The following PCDH7 variants were observed in gnomAD, a reference collection of about 807,000 sequenced individuals.
PCDH7 encodes protocadherin-7.
In PCDH7, 17 loss-of-function variants were observed where a neutral mutation model predicts 58.9. That is an observed-to-expected ratio of 0.29 (90% confidence interval 0.20 to 0.43). The LOEUF (loss-of-function observed/expected upper bound fraction) is 0.43. Ranked by LOEUF, PCDH7 falls within the 20% of genes least tolerant of loss-of-function variation. The pLI is 1.00. For synonymous variants in PCDH7, 664 were observed against 616.4 expected, an observed-to-expected ratio of 1.08 and a Z score of -1.14; for missense variants, 1,274 against 1,441.0, an observed-to-expected ratio of 0.88 and a Z score of 1.88.
chr4:30,739,515 A>G (rs762246774), intron 1 of PCDH7, among the ~76,000 whole-genome samples: 12 of 152,166 alleles, frequency 7.9e-5, no homozygotes, highest in Non-Finnish European at 1.6e-4. Context: ...TTTCATATAC[A>G]GAGATGGTAT....
Position 30,875,162 on chromosome 4 carries a change from C to T in PCDH7, c.71-44991C>T, listed in dbSNP as rs1736131583. On this transcript the variant is annotated intron_variant, in intron 1 of 3. Transcript: ENST00000509759. ...GAAATCCAAAATCAAGGTGGTTGCA[C>T]CGTTGATTCCTTCAGGAAGGAGCTG... 2.6e-5 allele frequency among the ~76,000 whole-genome samples: 4 copies of T among 152,032 alleles called. No individual in the cohort carries two copies. In the South Asian group the frequency reaches 8.3e-4, roughly 32 times the overall value.
At chr4:30,737,914 T>G (rs1441750904), downstream of PCDH7, among the ~76,000 whole-genome samples, 1 of 152,172 alleles carries the variant, frequency 6.6e-6, no homozygotes, top group African/African-American at 2.4e-5. Flanking sequence ...CAACAGAAGT[T>G]AATTTTCTCT....
At chr4:30,824,088 TTTCTTTCTTTC>T (rs1251352065) in intron 1 of PCDH7, among the ~76,000 whole-genome samples, 5 of 20,630 alleles carry the variant, frequency 2.4e-4, no homozygotes, top group African/African-American at 1.2e-3. Context: ...CTTTTCTTTC[TTTCTTTCTTTC>T]TTTCTTTCTT....
intron 2 of PCDH7, among the ~76,000 whole-genome samples, chr4:30,933,114 C>T (rs150069114): frequency 2.0e-4 from 30 of 152,024 alleles, no homozygotes; most frequent in Non-Finnish European, 4.0e-4. Flanking sequence ...GCAACCTCCG[C>T]TTCCTGGGTT....
In PCDH7 at chr4:31,141,727, G is replaced by A. The variant is rs116181266; in HGVS notation, c.*8-746G>A. ...TCATCCAAAGTTTAGTAACTTACCC[G>A]TATTCACCCAGTACATTACATTTCA... On this transcript the variant is annotated intron_variant, in intron 3 of 3. Transcript: ENST00000509759. 5.5e-3 allele frequency among the ~76,000 whole-genome samples: 832 copies of A among 152,076 alleles called. 7 individuals are homozygous for A. The highest frequency in any genetic ancestry group is 0.019 in the African/African-American group (774 of 41,494).
chr4:30,964,790 T>C (rs1370715121), intron 3 of PCDH7, among the ~76,000 whole-genome samples: 1 of 152,158 alleles, frequency 6.6e-6, no homozygotes, highest in East Asian at 1.9e-4. Flanking sequence ...AACTAAAAAG[T>C]CCTTTCCCTT....
chr4:30,765,178 G>A (rs1720591729), intron 1 of PCDH7, among the ~76,000 whole-genome samples: 1 of 119,322 alleles, frequency 8.4e-6, no homozygotes, highest in Non-Finnish European at 1.6e-5. Context: ...TAGCACTTAT[G>A]AGTTAGGGTG....
chr4:30,741,275 G>A lies in PCDH7; in HGVS notation c.70+16679G>A, dbSNP rs12509840. 5.9e-3 allele frequency among the ~76,000 whole-genome samples: 899 copies of A among 151,314 alleles called. 29 individuals carry two copies. The highest frequency in any genetic ancestry group is 0.051 in the Admixed American group (771 of 15,178). ...GATGGTTTTTTTTTTAGAGCCGAGT[G>A]TGTCACTCGGGCTCAGGTGATTCTC... is the stretch of plus-strand genomic sequence containing the variant. On this transcript the variant is annotated intron_variant, in intron 1 of 3. Coordinates refer to the PCDH7 transcript ENST00000509759.
At chr4:31,000,119 T>G (rs1401505897) in intron 3 of PCDH7, among the ~76,000 whole-genome samples, 6 of 152,130 alleles carry the variant, frequency 3.9e-5, no homozygotes, top group African/African-American at 1.4e-4. Context: ...AATTATGTGC[T>G]GTAGGACTTG....
chr4:30,740,645 A>T (rs1716941204), intron 1 of PCDH7, among the ~76,000 whole-genome samples: 1 of 151,796 alleles, frequency 6.6e-6, no homozygotes, highest in South Asian at 2.1e-4. Context: ...CATTTTGTTT[A>T]CCTTTTACAA....
intron 3 of PCDH7, among the ~76,000 whole-genome samples, chr4:31,115,042 G>C (rs201821148): frequency 6.6e-6 from 1 of 152,118 alleles, no homozygotes; most frequent in South Asian, 2.1e-4. Context: ...GGCATGGGAC[G>C]CAATGATTCA....
chr4:30,847,294 G>A (rs535451656), intron 1 of PCDH7, among the ~76,000 whole-genome samples: 5 of 152,310 alleles, frequency 3.3e-5, no homozygotes, highest in Admixed American at 6.5e-5. Flanking sequence ...GAATGTGTGA[G>A]TGAGAATCCA....
At chr4:30,913,452 G>A (rs1277678412) in intron 1 of PCDH7, among the ~76,000 whole-genome samples, 1 of 151,924 alleles carries the variant, frequency 6.6e-6, no homozygotes, top group Non-Finnish European at 1.5e-5. Flanking sequence ...GAAATATGTG[G>A]ACTTAACTTT....
chr4:30,885,648 G>A (rs1173853390), intron 1 of PCDH7, among the ~76,000 whole-genome samples: 1 of 152,084 alleles, frequency 6.6e-6, no homozygotes, highest in Admixed American at 6.6e-5. Flanking sequence ...AACCAAAAAA[G>A]AGCCTGCATC....
intron 1 of PCDH7, among the ~76,000 whole-genome samples, chr4:30,906,818 T>A (rs535222756): frequency 5.9e-5 from 9 of 151,698 alleles, no homozygotes; most frequent in African/African-American, 2.2e-4. Context: ...AGGTCAGGAG[T>A]TTGACACCAG....
At chr4:31,072,695 C>T (rs1758653006) in intron 3 of PCDH7, among the ~76,000 whole-genome samples, 1 of 152,058 alleles carries the variant, frequency 6.6e-6, no homozygotes, top group Non-Finnish European at 1.5e-5. Context: ...TCACATTACT[C>T]ACATCACATT....
rs370939112 is a variant in PCDH7, at chr4:30,842,759, A to G, written c.71-77394A>G. On this transcript the variant is annotated intron_variant, in intron 1 of 3. Coordinates refer to the PCDH7 transcript ENST00000509759. ...AAAGAACTTTAGCAGGGAAGCTACA[A>G]GATAAGATTTACGGTTTAACAGACC... is the stretch of plus-strand genomic sequence containing the variant. Among the ~76,000 whole-genome samples the G allele has an allele frequency of 7.9e-5, 12 of 152,300 alleles. No homozygotes were observed. In the East Asian group the frequency reaches 2.1e-3, roughly 27 times the overall value.
intron 3 of PCDH7, among the ~76,000 whole-genome samples, chr4:30,969,969 G>A (rs1345420321): frequency 6.6e-6 from 1 of 152,092 alleles, no homozygotes; most frequent in African/African-American, 2.4e-5. Context: ...ATTGCTGCTT[G>A]AATTATGTGT....
intron 1 of PCDH7, among the ~76,000 whole-genome samples, chr4:30,821,633 C>T (rs191815262): frequency 6.6e-6 from 1 of 152,284 alleles, no homozygotes; most frequent in African/African-American, 2.4e-5. Flanking sequence ...TACAAATGCA[C>T]TTGTCTTCTT....
Sources: gnomAD v4.1 joint callset for allele counts (sites outside exome capture counted in the v4.1 genomes callset) on GRCh38, gnomAD v4.1.1 for gene constraint, MANE v1.5 for transcripts, NCBI Gene and HGNC (gene_info 2026-07-23, HGNC 2026-07-21) for gene names.